Variants in CTIF observed in about 807,000 individuals in gnomAD.
The protein encoded by CTIF is CBP80/20-dependent translation initiation factor.
Under a neutral mutation model 66.0 loss-of-function variants are expected in CTIF, and 21 were observed. That is an observed-to-expected ratio of 0.32 (90% confidence interval 0.23 to 0.46). CTIF has a LOEUF of 0.46. Ranked by LOEUF, CTIF falls within the 20% of genes least tolerant of loss-of-function variation. The pLI is 1.00. For missense variants in CTIF, 739 were observed against 812.7 expected (o/e 0.91, Z 1.10); for synonymous variants, 345 against 326.4 (o/e 1.06, Z -0.62).
intron 9 of CTIF, among the ~76,000 whole-genome samples, chr18:48,774,960 G>A (rs1910529041): frequency 8.8e-6 from 1 of 113,366 alleles, no homozygotes; most frequent in African/African-American, 3.9e-5. Context: ...GCATTATTCT[G>A]AGTATTAAAA....
chr18:48,553,046 C>T (rs1239574384), intron 1 of CTIF, among the ~76,000 whole-genome samples: 2 of 152,216 alleles, frequency 1.3e-5, no homozygotes, highest in African/African-American at 4.8e-5. Flanking sequence ...ATGTTTTTGA[C>T]ATTTGCCTAC....
In CTIF at chr18:48,857,575, C is replaced by G. The variant is rs376200583; in HGVS notation, c.1528-13C>G. 1.3e-5 allele frequency: 21 copies of G among 1,607,252 alleles called. No homozygotes were observed. The African/African-American group carries it at 2.7e-4, about 20-fold the overall frequency. Reference sequence around the variant, plus strand: ...TCTCCTTCAGTGGTGCTCTCTGCCCCTCTCTTCCACAGCTCTTGCAATCTC... The same window carrying G: ...TCTCCTTCAGTGGTGCTCTCTGCCCGTCTCTTCCACAGCTCTTGCAATCTC... On this transcript the variant is annotated splice_polypyrimidine_tract_variant and intron_variant, in intron 10 of 11. Coordinates refer to ENST00000256413, the MANE Select transcript of CTIF (RefSeq NM_014772.3).
At chr18:48,733,838 C>T (rs890432560) in intron 7 of CTIF, among the ~76,000 whole-genome samples, 1 of 152,232 alleles carries the variant, frequency 6.6e-6, no homozygotes, top group African/African-American at 2.4e-5. Context: ...ACCCTCGCAG[C>T]CCTTCCCCCT....
intron 2 of CTIF, among the ~76,000 whole-genome samples, chr18:48,632,396 A>G (rs1188178675): frequency 6.6e-6 from 1 of 152,152 alleles, no homozygotes; most frequent in African/African-American, 2.4e-5. Flanking sequence ...GGTCTCTGGA[A>G]TGAGGCTCTG....
At chr18:48,596,374 C>A (rs1266688609) in intron 1 of CTIF, among the ~76,000 whole-genome samples, 1 of 152,194 alleles carries the variant, frequency 6.6e-6, no homozygotes, top group Non-Finnish European at 1.5e-5. Context: ...GTTGCTGGAA[C>A]TCCATTCATC....
intron 3 of CTIF, among the ~76,000 whole-genome samples, chr18:48,645,362 G>T (rs1410259019): frequency 6.6e-6 from 1 of 151,216 alleles, no homozygotes; most frequent in Non-Finnish European, 1.5e-5. Flanking sequence ...TAGAGAAGAA[G>T]GAAAATGATA....
chr18:48,652,288 A>G (rs1252393002), intron 3 of CTIF, among the ~76,000 whole-genome samples: 1 of 152,252 alleles, frequency 6.6e-6, no homozygotes, highest in Non-Finnish European at 1.5e-5. Flanking sequence ...GCAATAAAAA[A>G]TGATAAAGGG....
chr18:48,588,612 G>T (rs758662177), intron 1 of CTIF, among the ~76,000 whole-genome samples: 4 of 151,634 alleles, frequency 2.6e-5, no homozygotes, highest in Non-Finnish European at 5.9e-5. Context: ...TGACCTGTCT[G>T]TCCTGCCCCT....
At chr18:48,774,114 G>A (rs555738914) in intron 9 of CTIF, among the ~76,000 whole-genome samples, 49 of 152,140 alleles carry the variant, frequency 3.2e-4, no homozygotes, top group South Asian at 8.3e-4. Context: ...GAAGGGAGGC[G>A]CTGTTGCAGG....
At chr18:48,754,243 G>T (rs1385419863) in intron 7 of CTIF, among the ~76,000 whole-genome samples, 1 of 152,226 alleles carries the variant, frequency 6.6e-6, no homozygotes, top group Non-Finnish European at 1.5e-5. Context: ...CAGCCAAGGA[G>T]GCTGTGTCTA....
Position 48,742,597 on chromosome 18 carries a change from G to A in CTIF, c.585-15322G>A, listed in dbSNP as rs77623863. On this transcript the variant is annotated intron_variant, in intron 7 of 11. Transcript: ENST00000256413. ...GAGTGAGTGATGACAGCAGCAGCGG[G>A]ATCAACTTATTGAGCCTTGCTCTGT... Among the ~76,000 whole-genome samples, 363 of 152,354 alleles carry A rather than the reference G, an allele frequency of 2.4e-3. 1 individual carries two copies. Among genetic ancestry groups the A allele is most frequent in the African/African-American group, 8.5e-3 (352 of 41,582 alleles).
chr18:48,562,647 C>T (rs1042808995), intron 1 of CTIF, among the ~76,000 whole-genome samples: 4 of 152,170 alleles, frequency 2.6e-5, no homozygotes, highest in African/African-American at 4.8e-5. Flanking sequence ...AGGAATTGAT[C>T]CTGGTTGTTG....
chr18:48,610,857 G>A (rs1205627678), intron 1 of CTIF, among the ~76,000 whole-genome samples: 2 of 152,228 alleles, frequency 1.3e-5, no homozygotes, highest in African/African-American at 2.4e-5. Flanking sequence ...CAGGGTGGGG[G>A]CTCAGGAGGG....
intron 10 of CTIF, among the ~76,000 whole-genome samples, chr18:48,823,543 C>T (rs886236165): frequency 6.6e-6 from 1 of 152,132 alleles, no homozygotes; most frequent in Non-Finnish European, 1.5e-5. Context: ...ATACCAGTAC[C>T]ATACTGTTTT....
chr18:48,847,959 G>T (rs1414905864), intron 10 of CTIF, among the ~76,000 whole-genome samples: 2 of 152,196 alleles, frequency 1.3e-5, no homozygotes, highest in Non-Finnish European at 2.9e-5. Context: ...CAGTCCCTGG[G>T]CTGTCCTCCA....
chr18:48,828,606 C>T (rs2068629166), intron 10 of CTIF, among the ~76,000 whole-genome samples: 1 of 152,218 alleles, frequency 6.6e-6, no homozygotes, highest in Admixed American at 6.5e-5. Flanking sequence ...CATTTTCCAG[C>T]CGGAATTCTA....
intron 2 of CTIF, among the ~76,000 whole-genome samples, chr18:48,634,467 T>C (rs1255369056): frequency 2.6e-5 from 4 of 152,100 alleles, no homozygotes; most frequent in African/African-American, 9.7e-5. Context: ...GCCCAGAAAA[T>C]GGCAACCTCA....
rs909865430 is a variant in CTIF, at chr18:48,846,441, G to A, written c.1528-11147G>A. Among the ~76,000 whole-genome samples the A allele has an allele frequency of 5.4e-5, 8 of 148,854 alleles. No homozygotes were observed. In the East Asian group the frequency reaches 1.2e-3, roughly 22 times the overall value. Reference sequence around the variant, plus strand: ...CCATAGATATTTCATAAATGTTGCCGAGTGGATGGATGGATGGATAGATGA... The same window carrying A: ...CCATAGATATTTCATAAATGTTGCCAAGTGGATGGATGGATGGATAGATGA... On this transcript the variant is annotated intron_variant, in intron 10 of 11. Coordinates refer to ENST00000256413, the MANE Select transcript of CTIF (RefSeq NM_014772.3).
At chr18:48,664,001 C>T (rs2091391566) in intron 4 of CTIF, among the ~76,000 whole-genome samples, 176 bp downstream of exon 4, 1 of 152,086 alleles carries the variant, frequency 6.6e-6, no homozygotes, top group Non-Finnish European at 1.5e-5. Context: ...TGAGTGTCAA[C>T]GGGAGACAGT....
Sources: allele counts gnomAD v4.1 joint callset (sites outside exome capture counted in the v4.1 genomes callset), GRCh38; gene constraint gnomAD v4.1.1; transcripts MANE v1.5; gene names NCBI Gene and HGNC (gene_info 2026-07-23, HGNC 2026-07-21).